Variants in EYS observed in about 807,000 individuals in gnomAD.
EYS encodes the protein protein eyes shut homolog.
EYS carries 250 observed loss-of-function variants against 282.1 expected under a neutral mutation model. That is an observed-to-expected ratio of 0.89 (90% CI 0.80 to 0.98). The LOEUF (loss-of-function observed/expected upper bound fraction) is 0.98. Among genes scored for constraint, EYS ranks in the 50% least tolerant of loss-of-function variants. The pLI, the probability that EYS is intolerant of heterozygous loss-of-function variation, is 0.00. For missense variants in EYS, 4,016 were observed against 3,709.0 expected (o/e 1.08, Z -2.15); for synonymous variants, 1,355 against 1,282.9 (o/e 1.06, Z -1.20).
At chr6:63,995,676 C>T (rs773710018) in intron 34 of EYS, among the ~76,000 whole-genome samples, 4 of 151,824 alleles carry the variant, frequency 2.6e-5, no homozygotes, top group African/African-American at 4.8e-5. Flanking sequence ...ACATAAATGT[C>T]CATTAATGGA....
chr6:64,318,830 C>T (rs948606468), intron 29 of EYS, among the ~76,000 whole-genome samples: 2 of 151,458 alleles, frequency 1.3e-5, no homozygotes, highest in Non-Finnish European at 2.9e-5. Flanking sequence ...TATTTTGATA[C>T]AGACTTACAA....
At chr6:65,173,884 C>CAATTACATTGTAGCATTGACAGAATA (rs1464696592) in intron 12 of EYS, among the ~76,000 whole-genome samples, 8 of 151,160 alleles carry the variant, frequency 5.3e-5, no homozygotes, top group Non-Finnish European at 1.2e-4. Context: ...AAATATGCTA[C>CAATTACATTGTAGCATTGACAGAATA]AATTACATTG....
intron 5 of EYS, among the ~76,000 whole-genome samples, chr6:65,443,631 G>A (rs1768524377): frequency 6.8e-6 from 1 of 147,046 alleles, no homozygotes; most frequent in Admixed American, 7.0e-5. Context: ...ATAAACATGT[G>A]TAGAGGCACA....
intron 33 of EYS, among the ~76,000 whole-genome samples, chr6:64,054,874 T>C (rs898332493): frequency 6.6e-6 from 1 of 152,184 alleles, no homozygotes; most frequent in African/African-American, 2.4e-5. Context: ...ATTACATAGC[T>C]ATTAATGGAC....
In EYS at chr6:65,102,564, A is replaced by G. The variant is rs186362648; in HGVS notation, c.2024-44837T>C. Among the ~76,000 whole-genome samples the G allele has an allele frequency of 2.0e-5, 3 of 151,346 alleles. No homozygotes were observed. The East Asian group carries it at 5.8e-4, about 29-fold the overall frequency. On this transcript the variant is annotated intron_variant, in intron 12 of 42. Coordinates refer to ENST00000503581, the MANE Select transcript of EYS (RefSeq NM_001142800.2). ...ATTTCCTTTAATTAAATATACTTCA[A>G]TGTCCTAATTTATGTATAAAATATA...
chr6:65,632,554 A>G (rs907237027), intron 2 of EYS, among the ~76,000 whole-genome samples: 1 of 152,264 alleles, frequency 6.6e-6, no homozygotes, highest in African/African-American at 2.4e-5. Context: ...TCATATTCCA[A>G]ATTTCATTTT....
intron 26 of EYS, among the ~76,000 whole-genome samples, chr6:64,476,612 C>T (rs1332284750): frequency 6.6e-6 from 1 of 152,046 alleles, no homozygotes; most frequent in Non-Finnish European, 1.5e-5. Flanking sequence ...CCTCACTGCT[C>T]TTTTCATCTC....
chr6:63,749,242 C>A (rs1009897033), intron 41 of EYS, among the ~76,000 whole-genome samples: 51 of 152,142 alleles, frequency 3.4e-4, no homozygotes, highest in African/African-American at 1.2e-3. Flanking sequence ...CATTGTTTAC[C>A]CCAGAGTCAT....
At chr6:64,223,648 G>A (rs1320030703) in intron 31 of EYS, among the ~76,000 whole-genome samples, 1 of 151,912 alleles carries the variant, frequency 6.6e-6, no homozygotes, top group Middle Eastern at 3.2e-3. Flanking sequence ...TAAAATGTTA[G>A]TTTCAATAGT....
intron 18 of EYS, among the ~76,000 whole-genome samples, chr6:64,896,117 C>T (rs1411889344): frequency 6.6e-6 from 1 of 151,962 alleles, no homozygotes; most frequent in Admixed American, 6.6e-5. Context: ...GAAGAAAAAA[C>T]ATTAAAGAGC....
intron 22 of EYS, among the ~76,000 whole-genome samples, chr6:64,781,216 A>C (rs888701062): frequency 6.6e-6 from 1 of 151,234 alleles, no homozygotes; most frequent in Non-Finnish European, 1.5e-5. Flanking sequence ...TTTTTTTAGA[A>C]TAGGTATTTC....
chr6:63,873,900 T>C (rs1249553711), intron 35 of EYS, among the ~76,000 whole-genome samples: 2 of 152,186 alleles, frequency 1.3e-5, no homozygotes, highest in East Asian at 3.8e-4. Flanking sequence ...ATTAGCCCTT[T>C]GTCATTTGGG....
chr6:65,166,752 C>T (rs997294313), intron 12 of EYS, among the ~76,000 whole-genome samples: 46 of 151,074 alleles, frequency 3.0e-4, no homozygotes, highest in African/African-American at 1.1e-3. Context: ...AGTGTAAAGA[C>T]AACCCATAGA....
intron 31 of EYS, among the ~76,000 whole-genome samples, chr6:64,123,013 A>G (rs757158090): frequency 7.2e-5 from 11 of 152,136 alleles, no homozygotes; most frequent in Non-Finnish European, 1.5e-5. Flanking sequence ...ATATCATGAA[A>G]CTATTGTTTT....
At chr6:65,003,691 T>C (rs1292651355) in intron 13 of EYS, among the ~76,000 whole-genome samples, 4 of 146,898 alleles carry the variant, frequency 2.7e-5, no homozygotes, top group Non-Finnish European at 6.1e-5. Context: ...TTGTACTCTG[T>C]CCCTTTATTT....
At chr6:63,909,714 C>T (rs1051825612) in intron 35 of EYS, among the ~76,000 whole-genome samples, 28 of 152,302 alleles carry the variant, frequency 1.8e-4, no homozygotes, top group African/African-American at 6.7e-4. Flanking sequence ...AGTTCTCAAA[C>T]TTTGGTGCAT....
At chr6:65,071,464 G>T (rs1773900638) in intron 12 of EYS, among the ~76,000 whole-genome samples, 1 of 151,680 alleles carries the variant, frequency 6.6e-6, no homozygotes, top group South Asian at 2.1e-4. Flanking sequence ...ATAGTTTTTA[G>T]ATTTCTGTGA....
chr6:65,663,866 C>CTTTTTTTT (rs66999581), intron 1 of EYS, among the ~76,000 whole-genome samples: 2 of 75,920 alleles, frequency 2.6e-5, no homozygotes, highest in Admixed American at 1.6e-4. Flanking sequence ...TTTTTCTTTT[C>CTTTTTTTT]TTTTTTTTTT....
intron 19 of EYS, among the ~76,000 whole-genome samples, chr6:64,831,254 A>G (rs1765205237): frequency 6.6e-6 from 1 of 151,996 alleles, no homozygotes; most frequent in Non-Finnish European, 1.5e-5. Context: ...AAAACTTAGG[A>G]AAAAATGTTG....
Sources: allele counts gnomAD v4.1 joint callset (sites outside exome capture counted in the v4.1 genomes callset), GRCh38; gene constraint gnomAD v4.1.1; transcripts MANE v1.5; gene names NCBI Gene and HGNC (gene_info 2026-07-23, HGNC 2026-07-21).